Variants in DLG2 observed in about 807,000 individuals in gnomAD.
DLG2 encodes the protein disks large homolog 2.
A neutral mutation model predicts 132.5 loss-of-function variants in DLG2; 45 were observed. The ratio of observed to expected loss-of-function variants is 0.34; its 90% CI spans 0.27 to 0.44. DLG2 has a LOEUF of 0.44. DLG2 is among the 20% of genes least tolerant of loss of function. The probability of loss-of-function intolerance (pLI) is 1.00; values close to 1 mark genes in which losing one functional copy is unlikely to be tolerated. For synonymous variants in DLG2, 424 were observed against 419.6 expected (o/e 1.01, Z -0.13); for missense variants, 1,045 against 1,196.9 (o/e 0.87, Z 1.87).
intron 7 of DLG2, among the ~76,000 whole-genome samples, chr11:84,453,396 T>C (rs2099056880): frequency 1.3e-5 from 2 of 151,658 alleles, no homozygotes. Flanking sequence ...GAACTGGTTA[T>C]AAAGAATTTT....
At chr11:83,609,653 CA>C (rs1388630150) in intron 19 of DLG2, among the ~76,000 whole-genome samples, 3 of 152,108 alleles carry the variant, frequency 2.0e-5, no homozygotes, top group African/African-American at 7.2e-5. Flanking sequence ...CCCTTCTCCC[CA>C]CTCTCATCCT....
chr11:84,083,919 G>C (rs1388090058), intron 10 of DLG2, among the ~76,000 whole-genome samples: 1 of 151,974 alleles, frequency 6.6e-6, no homozygotes, highest in African/African-American at 2.4e-5. Flanking sequence ...AATATAGTTA[G>C]CATTTAAGTG....
intron 11 of DLG2, among the ~76,000 whole-genome samples, chr11:83,985,345 T>A (rs28644303): frequency 1.1e-4 from 17 of 152,050 alleles, no homozygotes; most frequent in Admixed American, 7.2e-4. Flanking sequence ...TTTATTTTTA[T>A]TTTTTTGCCT....
At chr11:85,300,925 C>T (rs1194750990) in intron 3 of DLG2, among the ~76,000 whole-genome samples, 1 of 151,848 alleles carries the variant, frequency 6.6e-6, no homozygotes, top group Non-Finnish European at 1.5e-5. Flanking sequence ...TAGAGACTGG[C>T]CGCGGTGACT....
chr11:84,944,939 T>C (rs933218999), intron 6 of DLG2, among the ~76,000 whole-genome samples: 5 of 152,250 alleles, frequency 3.3e-5, no homozygotes, highest in Non-Finnish European at 7.3e-5. Flanking sequence ...GAATTCCTTT[T>C]GTGTTCTTTT....
rs192892133 is a variant in DLG2 at position 84,214,469 on chromosome 11, C to G, written c.573+36769G>C. On this transcript the variant is annotated intron_variant, in intron 8 of 27. Transcript: ENST00000376104. ...TATAAACATATATGTCTGAGTATAT[C>G]TATATGTATGTTTTTATAAACAAAT... is the stretch of plus-strand genomic sequence containing the variant. Among the ~76,000 whole-genome samples the G allele has an allele frequency of 4.1e-3, 617 of 151,420 alleles. 2 individuals carry two copies. Among genetic ancestry groups the G allele is most frequent in the African/African-American group, 0.015 (601 of 41,230 alleles).
chr11:85,311,077 C>T (rs2080283689), intron 3 of DLG2, among the ~76,000 whole-genome samples: 1 of 152,148 alleles, frequency 6.6e-6, no homozygotes, highest in South Asian at 2.1e-4. Flanking sequence ...TTTTACATTT[C>T]TCAAATGTTA....
At chr11:83,471,792 T>C (rs1191521409) in intron 23 of DLG2, 65 bp from the exon 24 acceptor site, 2 of 1,319,608 alleles carry the variant, frequency 1.5e-6, no homozygotes, top group Non-Finnish European at 2.2e-6. Flanking sequence ...AAAACTGTCC[T>C]GCAAGGGTGA....
intron 7 of DLG2, among the ~76,000 whole-genome samples, chr11:84,386,780 A>T (rs745534375): frequency 3.9e-5 from 6 of 152,056 alleles, no homozygotes; most frequent in Non-Finnish European, 8.8e-5. Context: ...TCCTTCACAA[A>T]CCATGCATTT....
At chr11:84,230,893 A>G (rs2097082838) in intron 8 of DLG2, among the ~76,000 whole-genome samples, 1 of 152,222 alleles carries the variant, frequency 6.6e-6, no homozygotes, top group African/African-American at 2.4e-5. Flanking sequence ...TGGAAATACA[A>G]GAACTTGAAG....
At chr11:85,546,051 C>T (rs1247338617) in intron 3 of DLG2, among the ~76,000 whole-genome samples, 5 of 152,038 alleles carry the variant, frequency 3.3e-5, no homozygotes, top group Non-Finnish European at 5.9e-5. Context: ...TTTGTTTGCT[C>T]CTGCTTCTCT....
At chr11:83,655,060 G>A (rs1288098551) in intron 18 of DLG2, among the ~76,000 whole-genome samples, 1 of 152,162 alleles carries the variant, frequency 6.6e-6, no homozygotes, top group Non-Finnish European at 1.5e-5. Context: ...AATAAATGAG[G>A]TGCCCTCTGT....
intron 7 of DLG2, among the ~76,000 whole-genome samples, chr11:84,299,272 T>A (rs1474592406): frequency 6.6e-6 from 1 of 152,178 alleles, no homozygotes; most frequent in Non-Finnish European, 1.5e-5. Context: ...AATCAGTAAG[T>A]GATACAAATA....
chr11:85,337,208 C>G (rs2082193760), intron 3 of DLG2, among the ~76,000 whole-genome samples: 1 of 152,100 alleles, frequency 6.6e-6, no homozygotes, highest in Non-Finnish European at 1.5e-5. Flanking sequence ...TAAAATATAT[C>G]TATGTCACTG....
At chr11:84,345,338 T>C (rs994932493) in intron 7 of DLG2, among the ~76,000 whole-genome samples, 3 of 152,226 alleles carry the variant, frequency 2.0e-5, no homozygotes, top group Admixed American at 6.5e-5. Flanking sequence ...GCAAAAGTCC[T>C]GTACACGAGT....
chr11:85,545,158 C>T (rs1300568215), intron 3 of DLG2, among the ~76,000 whole-genome samples: 2 of 152,092 alleles, frequency 1.3e-5, no homozygotes, highest in Admixed American at 6.5e-5. Context: ...TTTTGAGCTA[C>T]GTTCCATCAA....
In DLG2 at chr11:83,875,013, A is replaced by T. The variant is rs191518558; in HGVS notation, c.1497-525T>A. 5.8e-4 allele frequency among the ~76,000 whole-genome samples: 89 copies of T among 152,284 alleles called. 1 individual carries two copies. The East Asian group carries it at 0.015, about 26-fold the overall frequency. On this transcript the variant is annotated intron_variant, in intron 15 of 27. Coordinates refer to ENST00000376104, the MANE Select transcript of DLG2 (RefSeq NM_001142699.3). Reference sequence around the variant, plus strand: ...ATGCAATGTATTTTTTAAGCTGCAGAATAATTTTTTCTAACAAAATTTTAC... The same window carrying T: ...ATGCAATGTATTTTTTAAGCTGCAGTATAATTTTTTCTAACAAAATTTTAC...
At chr11:84,919,684 A>C (rs144323207) in intron 6 of DLG2, among the ~76,000 whole-genome samples, 13 of 152,302 alleles carry the variant, frequency 8.5e-5, no homozygotes, top group African/African-American at 2.9e-4. Context: ...AGTAGCAATG[A>C]AAAAAGGGAA....
At chr11:84,248,748 T>A (rs938566233) in intron 8 of DLG2, among the ~76,000 whole-genome samples, 6 of 152,092 alleles carry the variant, frequency 3.9e-5, no homozygotes, top group African/African-American at 1.4e-4. Flanking sequence ...ACTCCTGTAG[T>A]CCCAGCTACT....
Sources: allele counts gnomAD v4.1 joint callset (sites outside exome capture counted in the v4.1 genomes callset), GRCh38; gene constraint gnomAD v4.1.1; transcripts MANE v1.5; gene names NCBI Gene and HGNC (gene_info 2026-07-23, HGNC 2026-07-21).